Variants in HNRNPA2B1 observed in about 807,000 individuals in gnomAD.
The protein encoded by HNRNPA2B1 is heterogeneous nuclear ribonucleoprotein A2/B1.
In HNRNPA2B1, 3 loss-of-function variants were observed where a neutral mutation model predicts 46.3. The ratio of observed to expected loss-of-function variants is 0.06; its 90% CI spans 0.03 to 0.17. HNRNPA2B1 has a LOEUF of 0.17. Ranked by LOEUF, HNRNPA2B1 falls within the 10% of genes least tolerant of loss-of-function variation. HNRNPA2B1 has a pLI of 1.00. For missense variants in HNRNPA2B1, 221 were observed against 418.9 expected (o/e 0.53, Z 4.12); for synonymous variants, 225 against 133.8 (o/e 1.68, Z -4.70).
Position 26,200,695 on chromosome 7 carries a change from G to C in HNRNPA2B1, c.-118C>G, listed in dbSNP as rs531336951. The C allele has an allele frequency of 9.2e-6, 12 of 1,304,190 alleles. No individual in the cohort carries two copies. Among genetic ancestry groups the C allele is most frequent in the Non-Finnish European group, 1.2e-5 (11 of 905,156 alleles). 80.8% of individuals were successfully genotyped at this position (1,304,190 alleles called of 1,614,324 possible). A position where few individuals can be genotyped will look rare whatever the true frequency, so the allele number is the denominator to read the frequency against. ...TGTAGTGAGAACTGCCGCTGCTCGA[G>C]AAACAACTCTGCGAGGAGCACCTCC... On this transcript the variant is annotated 5_prime_UTR_variant, in exon 1 of 11. Transcript: ENST00000618183.
intron 1 of HNRNPA2B1, chr7:26,198,026 A>AT (rs1216008549): frequency 4.6e-6 from 2 of 438,450 alleles, no homozygotes; most frequent in Non-Finnish European, 7.9e-6. Context: ...TAAATTATTA[A>AT]TTAAAAAAAA....
intron 7 of HNRNPA2B1, among the ~76,000 whole-genome samples, chr7:26,195,222 G>A (rs918123755): frequency 6.6e-6 from 1 of 150,738 alleles, no homozygotes; most frequent in Non-Finnish European, 1.5e-5. Flanking sequence ...AGAACAGTGA[G>A]ATACACTATT....
chr7:26,192,469 A>C, intron 10 of HNRNPA2B1, 26 bp downstream of exon 10: 1 of 1,450,394 alleles, frequency 6.9e-7, no homozygotes. Context: ...AGATAATAAT[A>C]ATTGTAAAAC....
chr7:26,199,308 C>G (rs1784067084), intron 1 of HNRNPA2B1: 2 of 152,528 alleles, frequency 1.3e-5, no homozygotes, highest in African/African-American at 4.8e-5. Flanking sequence ...AGACCTTATG[C>G]TTATCAATGT....
Position 26,190,300 on chromosome 7 carries a change from A to C in HNRNPA2B1, c.*2060T>G, listed in dbSNP as rs763076283. On this transcript the variant is annotated 3_prime_UTR_variant, in exon 11 of 11. Coordinates refer to ENST00000618183, the MANE Select transcript of HNRNPA2B1 (RefSeq NM_002137.4). ...TGTTTTATATCAAGAACCTCAACTAAATGTTTGTTTTATCAGAAAACATTT... is the reference window on the plus strand; with the variant it reads ...TGTTTTATATCAAGAACCTCAACTACATGTTTGTTTTATCAGAAAACATTT... 5 of 152,636 alleles carry C rather than the reference A, an allele frequency of 3.3e-5. No individual in the cohort carries two copies. The highest frequency in any genetic ancestry group is 7.4e-5 in the Non-Finnish European group (5 of 68,022). 9.5% of individuals were successfully genotyped at this position (152,636 alleles called of 1,614,324 possible).
chr7:26,198,514 T>G (rs908058599), intron 1 of HNRNPA2B1: 1 of 152,214 alleles, frequency 6.6e-6, no homozygotes, highest in African/African-American at 2.4e-5. Flanking sequence ...ATATGTACAA[T>G]AAAATACATT....
At chr7:26,192,598 A>G in intron 9 of HNRNPA2B1, 21 bp from the exon 10 acceptor site, 1 of 1,605,386 alleles carries the variant, frequency 6.2e-7, no homozygotes, top group Non-Finnish European at 8.5e-7. Flanking sequence ...TGGAACAGCA[A>G]GAGAAAACAA....
intron 7 of HNRNPA2B1, among the ~76,000 whole-genome samples, chr7:26,194,962 T>A (rs1195486605): frequency 6.6e-6 from 1 of 150,668 alleles, no homozygotes; most frequent in Non-Finnish European, 1.5e-5. Flanking sequence ...GGCGTGGTGG[T>A]GCACGCCGGT....
intron 1 of HNRNPA2B1, 42 bp from the exon 2 acceptor site, chr7:26,197,774 C>T (rs758608175): frequency 1.9e-6 from 3 of 1,598,464 alleles, no homozygotes; most frequent in Non-Finnish European, 2.6e-6. Flanking sequence ...TTACATTTTC[C>T]TCTTTGTATG....
At chr7:26,192,778 C>T (rs1783051806) in intron 9 of HNRNPA2B1, among the ~76,000 whole-genome samples, 1 of 152,166 alleles carries the variant, frequency 6.6e-6, no homozygotes, top group Non-Finnish European at 1.5e-5. Context: ...TGACCCTATT[C>T]TTTTAAATAA....
intron 1 of HNRNPA2B1, chr7:26,200,247 C>G (rs1321099973): frequency 2.9e-6 from 1 of 347,238 alleles, no homozygotes; most frequent in African/African-American, 2.1e-5. Context: ...GCCGTGGCCC[C>G]CGAAGCAGCG....
rs1183583583 is a variant in HNRNPA2B1, at chr7:26,197,444, T to G, written c.135A>C (p.Ala45=). ...AACCAAATCCTCTTGATCTTTTGCT[T>G]GCAGGATCCCTCATTACCTTTCAAA... is the stretch of plus-strand genomic sequence containing the variant. ...LTDCVVMRDP[A]SKRSRGFGFV... The change falls in exon 3 of 11, where the codon GCA becomes GCC. Residue 45 remains alanine, a synonymous_variant. Coordinates refer to ENST00000618183, the MANE Select transcript of HNRNPA2B1 (RefSeq NM_002137.4). 23 of 1,613,918 alleles carry G rather than the reference T, an allele frequency of 1.4e-5. No individual in the cohort carries two copies. Among genetic ancestry groups the G allele is most frequent in the Admixed American group, 3.3e-5 (2 of 59,980 alleles).
chr7:26,195,979 G>A (rs926505265), intron 6 of HNRNPA2B1, 70 bp from the exon 7 acceptor site: 3 of 1,525,476 alleles, frequency 2.0e-6, no homozygotes, highest in Middle Eastern at 3.5e-4. Flanking sequence ...TTCATTTTCA[G>A]TTCTCTTACT....
chr7:26,195,718 CACT>C, intron 7 of HNRNPA2B1, 126 bp downstream of exon 7: 1 of 972,836 alleles, frequency 1.0e-6, no homozygotes, highest in Non-Finnish European at 1.5e-6. Flanking sequence ...ATAACTGGAC[CACT>C]ATCACCCAAG....
chr7:26,197,984 T>C, intron 1 of HNRNPA2B1: 2 of 543,914 alleles, frequency 3.7e-6, no homozygotes, highest in Non-Finnish European at 6.4e-6. Context: ...TCATTAATGC[T>C]TGATATAAAT....
intron 4 of HNRNPA2B1, 21 bp from the exon 5 acceptor site, chr7:26,196,679 T>C (rs1330974739): frequency 1.9e-6 from 3 of 1,595,760 alleles, no homozygotes; most frequent in Non-Finnish European, 2.6e-6. Flanking sequence ...AAATTCAGAC[T>C]CCTTTTAAAT....
At chr7:26,200,412 C>G (rs1347052426) in intron 1 of HNRNPA2B1, 160 bp downstream of exon 1, 1 of 759,922 alleles carries the variant, frequency 1.3e-6, no homozygotes, top group African/African-American at 1.7e-5. Flanking sequence ...TACGCTCAGG[C>G]CTCCGCTCAA....
intron 7 of HNRNPA2B1, among the ~76,000 whole-genome samples, chr7:26,195,476 C>A (rs1039565069): frequency 2.6e-5 from 4 of 151,868 alleles, no homozygotes; most frequent in Non-Finnish European, 1.5e-5. Flanking sequence ...CATCTAGTTA[C>A]GGGTTTAGAC....
At chr7:26,194,647 C>T (rs1319981501) in intron 7 of HNRNPA2B1, among the ~76,000 whole-genome samples, 1 of 151,738 alleles carries the variant, frequency 6.6e-6, no homozygotes, top group Non-Finnish European at 1.5e-5. Flanking sequence ...AAGCCAAGAT[C>T]ACACCACTGC....
Sources: gnomAD v4.1 joint callset for allele counts (sites outside exome capture counted in the v4.1 genomes callset) on GRCh38, gnomAD v4.1.1 for gene constraint, MANE v1.5 for transcripts, NCBI Gene and HGNC (gene_info 2026-07-23, HGNC 2026-07-21) for gene names.